DNM2: variants seen among roughly 807,000 people sequenced by gnomAD.
The protein encoded by DNM2 is dynamin-2.
A neutral mutation model predicts 99.0 loss-of-function variants in DNM2; 15 were observed. The observed-to-expected ratio is 0.15, with a 90% CI of 0.10 to 0.23. The LOEUF (loss-of-function observed/expected upper bound fraction) is 0.23. Among genes scored for constraint, DNM2 ranks in the 10% least tolerant of loss-of-function variants. The pLI, the probability that DNM2 is intolerant of heterozygous loss-of-function variation, is 1.00. For synonymous variants in DNM2, 525 were observed against 481.2 expected, an observed-to-expected ratio of 1.09 and a Z score of -1.19; for missense variants, 742 against 1,189.4, an observed-to-expected ratio of 0.62 and a Z score of 5.53.
At position 10,795,837 on chromosome 19, in the gene DNM2, C is replaced by T. The variant is rs2071912050; in HGVS notation, c.1196+398C>T. 1.0e-5 allele frequency: 7 copies of T among 672,778 alleles called. No individual in the cohort carries two copies. In the South Asian group the frequency reaches 1.2e-4, roughly 12 times the overall value. 41.7% of individuals were successfully genotyped at this position (672,778 alleles called of 1,614,324 possible). ...TCCTCGTGAGCCTCTTGGGTCCCCT[C>T]CTTATTCTAACAAAGGTAGTTGCTC... On this transcript the variant is annotated intron_variant, in intron 9 of 20. Transcript: ENST00000389253. This position sits in a 1 kb window ranked among gnomAD's most constrained non-coding sequence, Gnocchi z 4.2.
At chr19:10,745,192 G>A (rs1242467359) in intron 1 of DNM2, among the ~76,000 whole-genome samples, 10 of 152,118 alleles carry the variant, frequency 6.6e-5, no homozygotes, top group Non-Finnish European at 1.2e-4. Context: ...AATCCAGTCC[G>A]TGCATCGCAC....
chr19:10,730,395 G>C (rs1419442157), intron 1 of DNM2, among the ~76,000 whole-genome samples: 1 of 152,088 alleles, frequency 6.6e-6, no homozygotes. Flanking sequence ...AGGATCCCTT[G>C]AGCTAGGGTA....
chr19:10,723,197 C>T (rs1054336493), intron 1 of DNM2, among the ~76,000 whole-genome samples: 2 of 150,640 alleles, frequency 1.3e-5, no homozygotes, highest in Non-Finnish European at 3.0e-5. Flanking sequence ...TGCAATGGCA[C>T]GATCTTGGCT....
At chr19:10,727,705 C>T (rs11671888) in intron 1 of DNM2, among the ~76,000 whole-genome samples, 7,288 of 152,078 alleles carry the variant, frequency 0.048, 213 homozygotes, top group African/African-American at 0.08. Context: ...TTGGCTTAGG[C>T]GGTAGAGGCT....
chr19:10,723,566 C>T (rs1291872125), intron 1 of DNM2, among the ~76,000 whole-genome samples: 1 of 152,222 alleles, frequency 6.6e-6, no homozygotes, highest in East Asian at 1.9e-4. Flanking sequence ...CCGCGCCCAG[C>T]CCCGTCTTCT....
At chr19:10,728,997 T>C (rs1330706280) in intron 1 of DNM2, among the ~76,000 whole-genome samples, 3 of 146,534 alleles carry the variant, frequency 2.0e-5, no homozygotes, top group African/African-American at 7.6e-5. Context: ...CCCAACACTT[T>C]GGGAGGCTGA....
At chr19:10,753,822 A>G (rs1373720180) in intron 1 of DNM2, among the ~76,000 whole-genome samples, 1 of 151,758 alleles carries the variant, frequency 6.6e-6, no homozygotes, top group Non-Finnish European at 1.5e-5. Flanking sequence ...ACGCCTGGCT[A>G]ATTTTTGTAA....
intron 11 of DNM2, among the ~76,000 whole-genome samples, chr19:10,800,585 G>T (rs2072100851): frequency 1.3e-5 from 2 of 152,230 alleles, no homozygotes; most frequent in South Asian, 4.1e-4. Flanking sequence ...GGAGCACCCT[G>T]GCATTTTCCA....
chr19:10,754,240 T>G (rs937598401), intron 1 of DNM2, among the ~76,000 whole-genome samples: 1 of 152,060 alleles, frequency 6.6e-6, no homozygotes. Flanking sequence ...TTCAGTTAGA[T>G]ATAGTTAATC....
Position 10,820,161 on chromosome 19 carries a change from A to C in DNM2, c.1781+72A>C, listed in dbSNP as rs1262003285. 5.0e-6 allele frequency: 7 copies of C among 1,394,802 alleles called. No homozygotes were observed. Among genetic ancestry groups the C allele is most frequent in the Non-Finnish European group, 7.1e-6 (7 of 984,276 alleles). 86.4% of individuals were successfully genotyped at this position (1,394,802 alleles called of 1,614,324 possible). ...GCCTCATTCACACTCCACAACCTTC[A>C]CTGAGCACTGAGCACCTGGCTGTCA... On this transcript the variant is annotated intron_variant, in intron 16 of 20. Transcript: ENST00000389253. The surrounding 1 kb of genome is among the most constrained non-coding windows in gnomAD (Gnocchi z 4.3).
intron 12 of DNM2, 70 bp downstream of exon 12, chr19:10,802,428 A>C: frequency 6.4e-7 from 1 of 1,557,570 alleles, no homozygotes; most frequent in Non-Finnish European, 8.9e-7. Flanking sequence ...GAGGTGACTG[A>C]GTTGGGATTC....
rs2073346046 is a variant in DNM2 at position 10,831,448 on chromosome 19, C to T, written c.*401C>T. The stretch of plus-strand genomic sequence containing the variant: ...CACCAAGGGCGCCTACATCCCCAGG[C>T]CTTGCTGGGGTGCAGGGGTATATCA... On this transcript the variant is annotated 3_prime_UTR_variant, in exon 21 of 21. Coordinates refer to ENST00000389253, the MANE Select transcript of DNM2 (RefSeq NM_001005361.3). The surrounding 1 kb of genome is among the most constrained non-coding windows in gnomAD (Gnocchi z 4.3). 4.0e-6 allele frequency: 4 copies of T among 1,006,746 alleles called. No homozygotes were observed. The African/African-American group carries it at 5.2e-5, about 13-fold the overall frequency. The allele number at this position is 1,006,746 out of a possible 1,614,324, so 62.4% of individuals were successfully genotyped here. A position where few individuals can be genotyped will look rare whatever the true frequency, so the allele number is the denominator to read the frequency against.
chr19:10,798,641 G>A, intron 11 of DNM2, 69 bp downstream of exon 11: 1 of 1,575,232 alleles, frequency 6.3e-7, no homozygotes, highest in South Asian at 1.1e-5. Flanking sequence ...ACTGTTCTGT[G>A]CATGCTGACA....
intron 6 of DNM2, among the ~76,000 whole-genome samples, chr19:10,783,699 A>T (rs28729258): frequency 0.1 from 14,750 of 141,350 alleles, 1,061 homozygotes; most frequent in East Asian, 0.38. Flanking sequence ...TATTATTATT[A>T]TTATTATTTT....
intron 13 of DNM2, 126 bp from the exon 14 acceptor site, chr19:10,808,443 C>A (rs1462391919): frequency 3.1e-6 from 3 of 973,584 alleles, no homozygotes; most frequent in South Asian, 1.8e-5. Flanking sequence ...TTTTCCCCTG[C>A]TCTTCTCTTC....
intron 1 of DNM2, among the ~76,000 whole-genome samples, chr19:10,745,839 C>T (rs904424420): frequency 2.0e-5 from 3 of 152,126 alleles, no homozygotes; most frequent in Non-Finnish European, 4.4e-5. Flanking sequence ...GAGTTGAGTC[C>T]CTGGTAACCG....
chr19:10,761,460 G>A (rs1468584019), intron 2 of DNM2, among the ~76,000 whole-genome samples: 1 of 151,974 alleles, frequency 6.6e-6, no homozygotes, highest in Non-Finnish European at 1.5e-5. Flanking sequence ...AAACCCCCTC[G>A]GGCCTCCTTG....
In DNM2 at chr19:10,830,348, T is replaced by A. The variant is rs772049806; in HGVS notation, c.2513T>A (p.Ile838Asn). The A allele has an allele frequency of 6.2e-7, 1 of 1,612,146 alleles. No individual in the cohort carries two copies. Among genetic ancestry groups the A allele is most frequent in the Admixed American group, 1.7e-5 (1 of 59,984 alleles). The change falls in exon 20 of 21, where the codon ATC (isoleucine) becomes AAC (asparagine). Residue 838 changes from isoleucine to asparagine, a missense_variant. Coordinates refer to ENST00000389253, the MANE Select transcript of DNM2 (RefSeq NM_001005361.3). This position sits in a 1 kb window ranked among gnomAD's most constrained non-coding sequence, Gnocchi z 4.8. ...PPQIPSRPVR[I>N]PPGIPPGVPS... The stretch of plus-strand genomic sequence containing the variant: ...CAGATCCCATCTCGGCCAGTTCGGA[T>A]CCCCCCAGGGATTCCCCCAGGAGTG...
chr19:10,771,586 A>G (rs1457291744), intron 2 of DNM2, among the ~76,000 whole-genome samples: 1 of 151,974 alleles, frequency 6.6e-6, no homozygotes, highest in African/African-American at 2.4e-5. Context: ...CATGAGAAAT[A>G]CCCCTGGGGA....
Sources: allele counts gnomAD v4.1 joint callset (sites outside exome capture counted in the v4.1 genomes callset), GRCh38; gene constraint gnomAD v4.1.1; non-coding constraint Gnocchi (gnomAD v3.1); transcripts MANE v1.5; gene names NCBI Gene and HGNC (gene_info 2026-07-23, HGNC 2026-07-21).